Variants in PIGL observed in about 807,000 individuals in gnomAD.
PIGL encodes N-acetylglucosaminyl-phosphatidylinositol de-N-acetylase.
In PIGL, 22 loss-of-function variants were observed where a neutral mutation model predicts 31.1. The observed-to-expected ratio is 0.71, with a 90% confidence interval of 0.51 to 1.01. PIGL has a LOEUF of 1.01. Among genes scored for constraint, PIGL ranks in the 50% least tolerant of loss-of-function variants. The probability of loss-of-function intolerance (pLI) is 0.00; values close to 1 mark genes in which losing one functional copy is unlikely to be tolerated. For missense variants in PIGL, 302 were observed against 315.9 expected (o/e 0.96, Z 0.33); for synonymous variants, 131 against 117.4 (o/e 1.12, Z -0.75).
At chr17:16,300,360 T>C (rs1021477375) in intron 3 of PIGL, among the ~76,000 whole-genome samples, 5 of 152,134 alleles carry the variant, frequency 3.3e-5, no homozygotes, top group African/African-American at 1.2e-4. Flanking sequence ...ACCAAGCATT[T>C]TCACAGAGTA....
chr17:16,282,770 T>C (rs897043929), intron 2 of PIGL, among the ~76,000 whole-genome samples: 1 of 152,204 alleles, frequency 6.6e-6, no homozygotes, highest in Non-Finnish European at 1.5e-5. Context: ...CCTGATGTGA[T>C]GTTGGCACCT....
chr17:16,306,548 G>A (rs1447451682), intron 3 of PIGL, among the ~76,000 whole-genome samples: 10 of 126,208 alleles, frequency 7.9e-5, no homozygotes, highest in Non-Finnish European at 1.3e-4. Context: ...TTTTTCTTGA[G>A]ATAGAGTTTC....
intron 2 of PIGL, among the ~76,000 whole-genome samples, chr17:16,297,436 ATCC>A (rs1200059473): frequency 6.6e-6 from 1 of 152,226 alleles, no homozygotes; most frequent in Non-Finnish European, 1.5e-5. Context: ...TTAGCCTACT[ATCC>A]TCCTATCCTT....
chr17:16,320,202 AAAG>A (rs2093097191), intron 6 of PIGL, among the ~76,000 whole-genome samples: 1 of 63,272 alleles, frequency 1.6e-5, no homozygotes, highest in African/African-American at 6.5e-5. Context: ...GAGAGAAAGA[AAAG>A]GAAGGAAGGA....
rs906198650 is a variant in PIGL, at chr17:16,228,578, C to T, written c.236-5393C>T. On this transcript the variant is annotated intron_variant, in intron 1 of 6. Coordinates refer to ENST00000225609, the MANE Select transcript of PIGL (RefSeq NM_004278.4). ...TAATTTTTTGTATTTTTAGTAGAGACGGGGTTTCACCGTGTTAGCCAGGAT... is the reference window on the plus strand; with the variant it reads ...TAATTTTTTGTATTTTTAGTAGAGATGGGGTTTCACCGTGTTAGCCAGGAT... Among the ~76,000 whole-genome samples the T allele has an allele frequency of 3.0e-4, 45 of 150,860 alleles. No homozygotes were observed. In the Middle Eastern group the frequency reaches 0.024, roughly 80 times the overall value.
At chr17:16,313,345 T>C (rs2093062943) in intron 3 of PIGL, among the ~76,000 whole-genome samples, 1 of 152,184 alleles carries the variant, frequency 6.6e-6, no homozygotes. Context: ...GAGTAAAACA[T>C]CAAACCCTGG....
chr17:16,297,016 G>T (rs545360413), intron 2 of PIGL, among the ~76,000 whole-genome samples: 1 of 152,260 alleles, frequency 6.6e-6, no homozygotes, highest in African/African-American at 2.4e-5. Context: ...CACCGTTCCG[G>T]CCCTTTTTAC....
chr17:16,230,452 T>C (rs2092673734), intron 1 of PIGL, among the ~76,000 whole-genome samples: 1 of 152,204 alleles, frequency 6.6e-6, no homozygotes, highest in African/African-American at 2.4e-5. Context: ...CCCGAATAGA[T>C]CTTGACATAG....
At chr17:16,255,643 C>G (rs2092790651) in intron 2 of PIGL, among the ~76,000 whole-genome samples, 1 of 152,114 alleles carries the variant, frequency 6.6e-6, no homozygotes, top group Non-Finnish European at 1.5e-5. Context: ...CAGTGAGAGC[C>G]TTCCCCTTAC....
rs76769651 is a variant in PIGL, at chr17:16,242,127, C to T, written c.335+8057C>T. On this transcript the variant is annotated intron_variant, in intron 2 of 6. Transcript: ENST00000225609. Reference sequence around the variant, plus strand: ...AAAGTGCAATGACATGATCCTGTCTCACTGCAAACTCTAACTTCTGGGCTC... The same window carrying T: ...AAAGTGCAATGACATGATCCTGTCTTACTGCAAACTCTAACTTCTGGGCTC... Among the ~76,000 whole-genome samples, 976 of 152,196 alleles carry T rather than the reference C, an allele frequency of 6.4e-3. 14 individuals carry two copies. The highest frequency in any genetic ancestry group is 0.023 in the African/African-American group (943 of 41,540).
At chr17:16,243,455 G>A (rs986756299) in intron 2 of PIGL, among the ~76,000 whole-genome samples, 2 of 152,172 alleles carry the variant, frequency 1.3e-5, no homozygotes, top group African/African-American at 4.8e-5. Context: ...AAGAGATGAA[G>A]GAAAAAGTTT....
intron 2 of PIGL, 86 bp downstream of exon 2, chr17:16,234,156 G>A (rs2092690386): frequency 1.3e-6 from 1 of 757,308 alleles, no homozygotes; most frequent in Admixed American, 2.0e-5. Flanking sequence ...ACTAATGTGA[G>A]TGGCTGAGAA....
At chr17:16,222,276 T>C (rs1600737206) in intron 1 of PIGL, among the ~76,000 whole-genome samples, 3 of 152,088 alleles carry the variant, frequency 2.0e-5, no homozygotes, top group Admixed American at 2.0e-4. Flanking sequence ...ATTGGTTTTC[T>C]TTTGAGCTGG....
At chr17:16,224,298 G>A (rs538400460) in intron 1 of PIGL, among the ~76,000 whole-genome samples, 1 of 152,038 alleles carries the variant, frequency 6.6e-6, no homozygotes, top group African/African-American at 2.4e-5. Context: ...GTTCTTCAGG[G>A]TATGTTTGCT....
At chr17:16,298,852 A>G (rs1568831801) in intron 2 of PIGL, among the ~76,000 whole-genome samples, 1 of 152,000 alleles carries the variant, frequency 6.6e-6, no homozygotes, top group African/African-American at 2.4e-5. Flanking sequence ...ACTTGGTGAC[A>G]CCCTGTCTCT....
chr17:16,221,995 T>C (rs1029151071), intron 1 of PIGL, among the ~76,000 whole-genome samples: 6 of 152,166 alleles, frequency 3.9e-5, no homozygotes, highest in Non-Finnish European at 5.9e-5. Context: ...GTGATCCACC[T>C]GCCTTGGCCT....
chr17:16,269,626 G>A (rs975772327), intron 2 of PIGL, among the ~76,000 whole-genome samples: 1 of 147,986 alleles, frequency 6.8e-6, no homozygotes, highest in African/African-American at 2.5e-5. Flanking sequence ...CTCCAGCCTG[G>A]TAACACAGCG....
At chr17:16,303,966 G>A (rs1201202683) in intron 3 of PIGL, among the ~76,000 whole-genome samples, 2 of 152,070 alleles carry the variant, frequency 1.3e-5, no homozygotes, top group South Asian at 2.1e-4. Flanking sequence ...CGCCCGCCTC[G>A]GCCTCCCAAA....
chr17:16,284,465 C>G (rs553494564), intron 2 of PIGL, among the ~76,000 whole-genome samples: 3 of 152,162 alleles, frequency 2.0e-5, no homozygotes, highest in Non-Finnish European at 4.4e-5. Context: ...GTAGGACTAA[C>G]GAATTAGGCA....
Sources: gnomAD v4.1 joint callset for allele counts (sites outside exome capture counted in the v4.1 genomes callset) on GRCh38, gnomAD v4.1.1 for gene constraint, MANE v1.5 for transcripts, NCBI Gene and HGNC (gene_info 2026-07-23, HGNC 2026-07-21) for gene names.